Variants in EXT1 observed in about 807,000 individuals in gnomAD.
EXT1 encodes exostosin glycosyltransferase 1.
In EXT1, 20 loss-of-function variants were observed where a neutral mutation model predicts 82.5. That is an observed-to-expected ratio of 0.24 (90% CI 0.17 to 0.35). The LOEUF is 0.35. EXT1 is among the 10% of genes least tolerant of loss of function. EXT1 has a pLI of 1.00. For synonymous variants in EXT1, 348 were observed against 350.8 expected (o/e 0.99, Z 0.09); for missense variants, 757 against 936.5 (o/e 0.81, Z 2.50).
intron 1 of EXT1, among the ~76,000 whole-genome samples, chr8:117,865,311 G>A (rs745893068): frequency 6.6e-6 from 1 of 152,138 alleles, no homozygotes; most frequent in African/African-American, 2.4e-5. Flanking sequence ...GGGACTACAG[G>A]TCTGCACCAC....
intron 1 of EXT1, among the ~76,000 whole-genome samples, chr8:117,979,826 T>C (rs1481049786): frequency 6.6e-6 from 1 of 152,204 alleles, no homozygotes; most frequent in African/African-American, 2.4e-5. Flanking sequence ...ATTTGGACCA[T>C]TGTACCTTTA....
rs963661715 is a variant in EXT1, at chr8:117,991,106, G to T, written c.962+118979C>A. 2.0e-5 allele frequency among the ~76,000 whole-genome samples: 3 copies of T among 150,396 alleles called. No individual in the cohort carries two copies. In the East Asian group the frequency reaches 5.8e-4, roughly 29 times the overall value. On this transcript the variant is annotated intron_variant, in intron 1 of 10. Coordinates refer to ENST00000378204, the MANE Select transcript of EXT1 (RefSeq NM_000127.3). ...TTTCAAACTCAGTTCTCCAGACTTC[G>T]ATGTCTTTTTTTTTTTTTTAGATGG... is the stretch of plus-strand genomic sequence containing the variant.
intron 1 of EXT1, among the ~76,000 whole-genome samples, chr8:117,970,416 C>T (rs1814914886): frequency 6.6e-6 from 1 of 151,992 alleles, no homozygotes; most frequent in South Asian, 2.1e-4. Flanking sequence ...GATTCTCCTG[C>T]CTCAGCCTCT....
chr8:118,103,107 C>T (rs918030656), intron 1 of EXT1, among the ~76,000 whole-genome samples: 5 of 152,136 alleles, frequency 3.3e-5, no homozygotes, highest in African/African-American at 9.7e-5. Context: ...AAGCCGAGAT[C>T]GCCCTATTGC....
chr8:118,039,450 C>T (rs960656144), intron 1 of EXT1, among the ~76,000 whole-genome samples: 2 of 149,046 alleles, frequency 1.3e-5, no homozygotes, highest in Non-Finnish European at 3.0e-5. Context: ...ATCCCAGTTA[C>T]TTGGGAGGCT....
intron 1 of EXT1, among the ~76,000 whole-genome samples, chr8:117,952,807 T>C (rs868168901): frequency 1.3e-5 from 2 of 152,160 alleles, no homozygotes; most frequent in Admixed American, 6.5e-5. Flanking sequence ...TCAATATTCT[T>C]TTCCCCACTT....
At chr8:117,831,750 A>AG in intron 3 of EXT1, 1 of 456,410 alleles carries the variant, frequency 2.2e-6, no homozygotes, top group South Asian at 1.6e-5. Flanking sequence ...TTGGAGGGGA[A>AG]GGAAGTGGTA....
At chr8:117,873,393 T>A (rs917147468) in intron 1 of EXT1, among the ~76,000 whole-genome samples, 2 of 151,578 alleles carry the variant, frequency 1.3e-5, no homozygotes, top group Non-Finnish European at 2.9e-5. Flanking sequence ...TTGAGAGGGG[T>A]TAAGAAAATG....
intron 3 of EXT1, among the ~76,000 whole-genome samples, chr8:117,831,946 C>T (rs553212345): frequency 5.3e-5 from 8 of 152,264 alleles, no homozygotes; most frequent in Non-Finnish European, 1.0e-4. Context: ...GAAATACTGG[C>T]AGGCAAACAT....
chr8:117,909,644 A>G (rs1427041498), intron 1 of EXT1, among the ~76,000 whole-genome samples: 1 of 152,228 alleles, frequency 6.6e-6, no homozygotes, highest in Non-Finnish European at 1.5e-5. Context: ...AATAGTTTGA[A>G]AAGAAACAAA....
At chr8:117,808,530 T>A (rs17439562) in intron 8 of EXT1, among the ~76,000 whole-genome samples, 2 of 152,238 alleles carry the variant, frequency 1.3e-5, no homozygotes, top group African/African-American at 2.4e-5. Context: ...TTAAAAGCAA[T>A]TTGTCTCTTA....
chr8:117,955,260 T>C (rs1207269190), intron 1 of EXT1, among the ~76,000 whole-genome samples: 1 of 152,066 alleles, frequency 6.6e-6, no homozygotes, highest in Non-Finnish European at 1.5e-5. Context: ...TTTAGAAATT[T>C]TGAGGGGGTT....
chr8:117,882,040 G>A (rs1039394508), intron 1 of EXT1, among the ~76,000 whole-genome samples: 7 of 152,152 alleles, frequency 4.6e-5, no homozygotes, highest in African/African-American at 1.7e-4. Flanking sequence ...TAAGGAACCT[G>A]TAACCAGACA....
chr8:118,061,502 A>C (rs535450906), intron 1 of EXT1, among the ~76,000 whole-genome samples: 9 of 152,324 alleles, frequency 5.9e-5, no homozygotes, highest in African/African-American at 1.9e-4. Context: ...GGCTCGTTAC[A>C]TTCCTAAAAC....
intron 1 of EXT1, among the ~76,000 whole-genome samples, chr8:118,082,395 C>G (rs1817348786): frequency 6.6e-6 from 1 of 152,164 alleles, no homozygotes; most frequent in South Asian, 2.1e-4. Flanking sequence ...GTTTCTAAAA[C>G]TAGACATCAT....
intron 1 of EXT1, among the ~76,000 whole-genome samples, chr8:117,880,775 G>T (rs956286762): frequency 6.6e-6 from 1 of 151,990 alleles, no homozygotes; most frequent in African/African-American, 2.4e-5. Flanking sequence ...ATTTTTAGTA[G>T]AGATGGGGTT....
chr8:117,998,555 T>C (rs1374192411), intron 1 of EXT1, among the ~76,000 whole-genome samples: 1 of 152,200 alleles, frequency 6.6e-6, no homozygotes, highest in Non-Finnish European at 1.5e-5. Flanking sequence ...CCCAAAGTGC[T>C]GGGATTACAG....
chr8:117,919,123 C>G (rs1813808160), intron 1 of EXT1, among the ~76,000 whole-genome samples: 1 of 151,762 alleles, frequency 6.6e-6, no homozygotes, highest in African/African-American at 2.4e-5. Context: ...AGAAAAATAG[C>G]AAAATAGGAG....
At chr8:118,009,155 A>G (rs1364957047) in intron 1 of EXT1, among the ~76,000 whole-genome samples, 1 of 152,230 alleles carries the variant, frequency 6.6e-6, no homozygotes, top group African/African-American at 2.4e-5. Context: ...TAGGGACTTG[A>G]GAAGTCTGTG....
Sources: gnomAD v4.1 joint callset for allele counts (sites outside exome capture counted in the v4.1 genomes callset) on GRCh38, gnomAD v4.1.1 for gene constraint, MANE v1.5 for transcripts, NCBI Gene and HGNC (gene_info 2026-07-23, HGNC 2026-07-21) for gene names.